Variants in PIP4K2A observed in about 807,000 individuals in gnomAD.
PIP4K2A encodes the protein phosphatidylinositol 5-phosphate 4-kinase type-2 alpha.
Under a neutral mutation model 42.9 loss-of-function variants are expected in PIP4K2A, and 14 were observed. The observed-to-expected ratio is 0.33, with a 90% CI of 0.22 to 0.51. PIP4K2A has a LOEUF of 0.51. Ranked by LOEUF, PIP4K2A falls within the 20% of genes least tolerant of loss-of-function variation. The pLI, the probability that PIP4K2A is intolerant of heterozygous loss-of-function variation, is 0.97. For missense variants in PIP4K2A, 434 were observed against 519.8 expected, an observed-to-expected ratio of 0.83 and a Z score of 1.61; for synonymous variants, 192 against 192.2, an observed-to-expected ratio of 1.00 and a Z score of 0.01.
intron 1 of PIP4K2A, among the ~76,000 whole-genome samples, chr10:22,620,429 G>A (rs1838299460): frequency 6.6e-6 from 1 of 152,216 alleles, no homozygotes; most frequent in African/African-American, 2.4e-5. Flanking sequence ...ACCTATGACT[G>A]AGCCCTGGTC....
At chr10:22,637,459 G>A (rs1838690065) in intron 1 of PIP4K2A, among the ~76,000 whole-genome samples, 1 of 152,214 alleles carries the variant, frequency 6.6e-6, no homozygotes, top group South Asian at 2.1e-4. Context: ...CTCAGCTGAT[G>A]TGCCTTGGAC....
chr10:22,597,816 T>TA (rs2130831138), intron 3 of PIP4K2A, among the ~76,000 whole-genome samples: 1 of 152,248 alleles, frequency 6.6e-6, no homozygotes, highest in East Asian at 1.9e-4. Flanking sequence ...AAGCTGATCC[T>TA]ACCTAAGGCC....
At chr10:22,596,462 G>A (rs891642684) in intron 3 of PIP4K2A, among the ~76,000 whole-genome samples, 1 of 152,194 alleles carries the variant, frequency 6.6e-6, no homozygotes, top group Admixed American at 6.5e-5. Context: ...CAGCTAGAAC[G>A]AGCACATGAG....
chr10:22,577,513 C>A (rs1837151771), intron 4 of PIP4K2A, among the ~76,000 whole-genome samples: 1 of 152,178 alleles, frequency 6.6e-6, no homozygotes, highest in Non-Finnish European at 1.5e-5. Flanking sequence ...TGAGTAGAAG[C>A]TTCCTGAGGG....
chr10:22,709,613 T>C (rs7919135), intron 1 of PIP4K2A, among the ~76,000 whole-genome samples: 7,234 of 152,212 alleles, frequency 0.048, 550 homozygotes, highest in African/African-American at 0.16. Context: ...ACCCTGGAAA[T>C]AGAAATCACT....
intron 7 of PIP4K2A, among the ~76,000 whole-genome samples, chr10:22,543,608 CCT>C (rs1204362034): frequency 2.0e-5 from 3 of 152,224 alleles, no homozygotes; most frequent in Non-Finnish European, 4.4e-5. Flanking sequence ...TCCACTTGCA[CCT>C]CTCTCTGCCA....
At chr10:22,540,641 T>G (rs1250155408) in intron 8 of PIP4K2A, among the ~76,000 whole-genome samples, 1 of 152,118 alleles carries the variant, frequency 6.6e-6, no homozygotes, top group East Asian at 1.9e-4. Flanking sequence ...CACAGCAACC[T>G]CCACCTCCCG....
At chr10:22,572,617 A>G (rs1286322077) in intron 5 of PIP4K2A, among the ~76,000 whole-genome samples, 3 of 152,150 alleles carry the variant, frequency 2.0e-5, no homozygotes, top group South Asian at 4.1e-4. Flanking sequence ...AAAAAAAAGA[A>G]AAGAAAAGAA....
At chr10:22,657,574 C>G (rs1311908562) in intron 1 of PIP4K2A, among the ~76,000 whole-genome samples, 1 of 152,098 alleles carries the variant, frequency 6.6e-6, no homozygotes, top group African/African-American at 2.4e-5. Context: ...ACTGCTTTGA[C>G]ACGAAAAAAA....
At position 22,607,918 on chromosome 10, in the gene PIP4K2A, G is replaced by A. The variant is rs1235242280; in HGVS notation, c.339+9C>T. ...CCTACTGGAAGCAAATGTTACAAACGCAACTCACCTGGAAATCTTGATCAT... is the reference window on the plus strand; with the variant it reads ...CCTACTGGAAGCAAATGTTACAAACACAACTCACCTGGAAATCTTGATCAT... On this transcript the variant is annotated intron_variant, in intron 3 of 9. Coordinates refer to ENST00000376573, the MANE Select transcript of PIP4K2A (RefSeq NM_005028.5). 3.1e-6 allele frequency: 5 copies of A among 1,588,116 alleles called. No homozygotes were observed. Among genetic ancestry groups the A allele is most frequent in the Non-Finnish European group, 4.3e-6 (5 of 1,157,194 alleles).
chr10:22,656,044 C>T (rs755464075), intron 1 of PIP4K2A, among the ~76,000 whole-genome samples: 4 of 152,206 alleles, frequency 2.6e-5, no homozygotes, highest in African/African-American at 2.4e-5. Flanking sequence ...ATCTGCTCTA[C>T]GGAGCATTAA....
intron 3 of PIP4K2A, among the ~76,000 whole-genome samples, chr10:22,606,622 G>A (rs184098344): frequency 1.4e-3 from 220 of 152,352 alleles, no homozygotes; most frequent in African/African-American, 5.1e-3. Context: ...AGATCTTTAG[G>A]AAAGTGTGCT....
At chr10:22,544,561 C>T (rs953705041) in intron 7 of PIP4K2A, among the ~76,000 whole-genome samples, 1 of 152,196 alleles carries the variant, frequency 6.6e-6, no homozygotes, top group Non-Finnish European at 1.5e-5. Context: ...AGGGAAAAGG[C>T]CCCCCTTCTG....
At chr10:22,595,092 T>C (rs1220305768) in intron 3 of PIP4K2A, among the ~76,000 whole-genome samples, 2 of 152,196 alleles carry the variant, frequency 1.3e-5, no homozygotes, top group Admixed American at 6.5e-5. Flanking sequence ...CCTTATCTGA[T>C]AAGGAGGAAA....
At chr10:22,563,358 A>C (rs1007703296) in intron 6 of PIP4K2A, among the ~76,000 whole-genome samples, 3 of 152,206 alleles carry the variant, frequency 2.0e-5, no homozygotes, top group Non-Finnish European at 4.4e-5. Flanking sequence ...TTAAACGTAA[A>C]AGTTTTACAA....
intron 1 of PIP4K2A, among the ~76,000 whole-genome samples, chr10:22,681,553 T>C (rs1241471450): frequency 3.9e-5 from 6 of 152,102 alleles, no homozygotes; most frequent in Non-Finnish European, 1.5e-5. Context: ...CATGCACCTG[T>C]GGTCCCACAT....
At chr10:22,628,525 C>A (rs1838491305) in intron 1 of PIP4K2A, among the ~76,000 whole-genome samples, 1 of 152,168 alleles carries the variant, frequency 6.6e-6, no homozygotes, top group South Asian at 2.1e-4. Flanking sequence ...ACCAACGGCT[C>A]ATGACAGAGC....
intron 1 of PIP4K2A, among the ~76,000 whole-genome samples, chr10:22,665,479 T>C (rs1274820995): frequency 6.6e-6 from 1 of 152,110 alleles, no homozygotes; most frequent in Non-Finnish European, 1.5e-5. Context: ...TCTCACTCTG[T>C]CACCCGTGCT....
chr10:22,582,986 A>T (rs1458912410), intron 4 of PIP4K2A, among the ~76,000 whole-genome samples: 1 of 152,122 alleles, frequency 6.6e-6, no homozygotes, highest in Non-Finnish European at 1.5e-5. Context: ...TTTCTTAATT[A>T]AGCTTGATAA....
Sources: gnomAD v4.1 joint callset for allele counts (sites outside exome capture counted in the v4.1 genomes callset) on GRCh38, gnomAD v4.1.1 for gene constraint, MANE v1.5 for transcripts, NCBI Gene and HGNC (gene_info 2026-07-23, HGNC 2026-07-21) for gene names.